The following RCAN1 variants were observed in gnomAD, a reference collection of about 807,000 sequenced individuals.
The protein encoded by RCAN1 is calcipressin-1.
RCAN1 carries 11 observed loss-of-function variants against 22.9 expected under a neutral mutation model. That is an observed-to-expected ratio of 0.48 (90% CI 0.30 to 0.79). The LOEUF is 0.79. RCAN1 is among the 30% of genes least tolerant of loss of function. The probability of loss-of-function intolerance (pLI) is 0.06; values close to 1 mark genes in which losing one functional copy is unlikely to be tolerated. For missense variants in RCAN1, 291 were observed against 337.8 expected (o/e 0.86, Z 1.09); for synonymous variants, 136 against 142.3 (o/e 0.96, Z 0.32).
At chr21:34,577,091 C>T (rs753150241) in intron 1 of RCAN1, among the ~76,000 whole-genome samples, 20 of 152,332 alleles carry the variant, frequency 1.3e-4, no homozygotes, top group East Asian at 1.2e-3. Context: ...TTCCATCCTA[C>T]GGTGCCCTGT....
intron 1 of RCAN1, among the ~76,000 whole-genome samples, chr21:34,542,433 C>T (rs1601156014): frequency 6.9e-6 from 1 of 144,278 alleles, no homozygotes; most frequent in African/African-American, 2.6e-5. Context: ...CCATGAAGAG[C>T]CCATACAGAG....
At position 34,614,790 on chromosome 21, in the gene RCAN1, G is replaced by C. The variant is rs763098644; in HGVS notation, c.222C>G (p.Asp74Glu). The C allele has an allele frequency of 6.1e-6, 9 of 1,476,878 alleles. No individual in the cohort carries two copies. Among genetic ancestry groups the C allele is most frequent in the Non-Finnish European group, 8.1e-6 (9 of 1,111,310 alleles). 91.5% of individuals were successfully genotyped at this position (1,476,878 alleles called of 1,614,324 possible). ...ACAGGCCGTCCACGAACACGCGCGGGTCCAGGTGACAGGCGATGGTGGCGC... is the reference window on the plus strand; with the variant it reads ...ACAGGCCGTCCACGAACACGCGCGGCTCCAGGTGACAGGCGATGGTGGCGC... ...LPSATIACHL[D>E]PRVFVDGLCR... The change falls in exon 1 of 4, where the codon GAC (aspartate) becomes GAG (glutamate). Residue 74 changes from aspartate to glutamate, a missense_variant. By Grantham distance (45) the Asp-to-Glu change is conservative. Transcript: ENST00000313806. The surrounding 1 kb of genome is among the most constrained non-coding windows in gnomAD (Gnocchi z 6.0).
rs532268084 is a variant in RCAN1, at chr21:34,525,906, T to A, written c.253-2196A>T. 4.8e-3 allele frequency among the ~76,000 whole-genome samples: 728 copies of A among 152,166 alleles called. 4 individuals are homozygous for A. Among genetic ancestry groups the A allele is most frequent in the African/African-American group, 0.017 (690 of 41,484 alleles). ...TTATGGAGTTACATTTGATTTTTTT[T>A]AAAAAAAGAAACCTTCGCATGTCCC... On this transcript the variant is annotated intron_variant, in intron 1 of 3. Transcript: ENST00000313806.
chr21:34,565,986 A>T (rs747760970), intron 1 of RCAN1, among the ~76,000 whole-genome samples: 2 of 152,222 alleles, frequency 1.3e-5, no homozygotes, highest in Non-Finnish European at 1.5e-5. Context: ...ACGCAGGAAC[A>T]CTTTCCGTCA....
chr21:34,560,788 G>A (rs1242417646), intron 1 of RCAN1, among the ~76,000 whole-genome samples: 1 of 152,186 alleles, frequency 6.6e-6, no homozygotes, highest in East Asian at 1.9e-4. Context: ...CCTGGGGGAA[G>A]CTAAATGGAA....
intron 1 of RCAN1, among the ~76,000 whole-genome samples, chr21:34,573,292 G>A (rs1258310625): frequency 2.0e-5 from 3 of 152,168 alleles, no homozygotes; most frequent in Non-Finnish European, 4.4e-5. Context: ...GGGGCAGGGA[G>A]ACACAGACAG....
intron 1 of RCAN1, among the ~76,000 whole-genome samples, chr21:34,541,704 G>A (rs1218827085): frequency 6.6e-6 from 1 of 152,228 alleles, no homozygotes; most frequent in Non-Finnish European, 1.5e-5. Flanking sequence ...GGAGGCCGAG[G>A]TGGGTGGATC....
intron 1 of RCAN1, chr21:34,525,188 G>A (rs1375995541): frequency 5.2e-6 from 8 of 1,550,112 alleles, no homozygotes; most frequent in East Asian, 2.4e-5. Context: ...TAGCAAGCGC[G>A]GGGAGGCACT....
At chr21:34,574,481 T>C (rs1464023684) in intron 1 of RCAN1, among the ~76,000 whole-genome samples, 1 of 152,138 alleles carries the variant, frequency 6.6e-6, no homozygotes, top group Non-Finnish European at 1.5e-5. Context: ...TAGACCCAAC[T>C]TAGGGACAGA....
intron 1 of RCAN1, among the ~76,000 whole-genome samples, chr21:34,542,317 A>ACACC (rs937671184): frequency 1.3e-5 from 2 of 152,144 alleles, no homozygotes; most frequent in African/African-American, 4.8e-5. Context: ...GGTGGAAAAG[A>ACACC]CACCAAGTTT....
intron 1 of RCAN1, among the ~76,000 whole-genome samples, chr21:34,587,645 A>G (rs1987844201): frequency 6.6e-6 from 1 of 152,230 alleles, no homozygotes; most frequent in Non-Finnish European, 1.5e-5. Flanking sequence ...TTGTTACTGC[A>G]GCATTATCAT....
At chr21:34,550,589 C>A (rs905222702) in intron 1 of RCAN1, among the ~76,000 whole-genome samples, 1 of 152,162 alleles carries the variant, frequency 6.6e-6, no homozygotes, top group African/African-American at 2.4e-5. Context: ...AATAGCCCTG[C>A]CATCACCTTG....
At chr21:34,524,873 A>T (rs1338373336) in intron 1 of RCAN1, among the ~76,000 whole-genome samples, 1 of 151,912 alleles carries the variant, frequency 6.6e-6, no homozygotes, top group Non-Finnish European at 1.5e-5. Flanking sequence ...GGCCACTGCA[A>T]CTCCTCAGAG....
intron 1 of RCAN1, among the ~76,000 whole-genome samples, chr21:34,549,833 A>G (rs1298913916): frequency 6.6e-6 from 1 of 152,102 alleles, no homozygotes; most frequent in Non-Finnish European, 1.5e-5. Context: ...TCCACCGAAC[A>G]CCTACAGGCA....
intron 1 of RCAN1, among the ~76,000 whole-genome samples, chr21:34,555,865 T>C (rs8133812): frequency 0.24 from 36,440 of 150,934 alleles, 5,127 homozygotes; most frequent in African/African-American, 0.39. Context: ...AGATTGAGAC[T>C]ATCCTGGCTA....
intron 3 of RCAN1, among the ~76,000 whole-genome samples, chr21:34,520,374 G>C (rs1361905527): frequency 6.6e-6 from 1 of 152,138 alleles, no homozygotes; most frequent in Non-Finnish European, 1.5e-5. Flanking sequence ...ATGCCCCCGG[G>C]CCAGGAGCTG....
At chr21:34,582,593 C>T (rs1320095309) in intron 1 of RCAN1, among the ~76,000 whole-genome samples, 2 of 152,088 alleles carry the variant, frequency 1.3e-5, no homozygotes, top group African/African-American at 2.4e-5. Flanking sequence ...ATTGGAGACG[C>T]GAGGAGGAGC....
intron 1 of RCAN1, among the ~76,000 whole-genome samples, chr21:34,532,756 T>C (rs1425721384): frequency 2.0e-5 from 3 of 152,292 alleles, no homozygotes; most frequent in Admixed American, 1.3e-4. Context: ...TTTTACATGA[T>C]AGATATGATT....
chr21:34,580,324 A>G (rs983562182), intron 1 of RCAN1, among the ~76,000 whole-genome samples: 2 of 152,230 alleles, frequency 1.3e-5, no homozygotes, highest in African/African-American at 2.4e-5. Context: ...AGGCAGGGTC[A>G]GCGCAAATGG....
Sources: gnomAD v4.1 joint callset for allele counts (sites outside exome capture counted in the v4.1 genomes callset) on GRCh38, gnomAD v4.1.1 for gene constraint, Gnocchi (gnomAD v3.1) non-coding constraint, MANE v1.5 for transcripts, NCBI Gene and HGNC (gene_info 2026-07-23, HGNC 2026-07-21) for gene names.